The following VPS33B variants were observed in gnomAD, a reference collection of about 807,000 sequenced individuals.
The protein encoded by VPS33B is VPS33B late endosome and lysosome associated.
A neutral mutation model predicts 95.3 loss-of-function variants in VPS33B; 80 were observed. That is an observed-to-expected ratio of 0.84 (90% CI 0.70 to 1.01). The LOEUF is 1.01. VPS33B is among the 50% of genes least tolerant of loss of function. The pLI is 0.00. For missense variants in VPS33B, 715 were observed against 773.4 expected (o/e 0.92, Z 0.90); for synonymous variants, 280 against 280.4 (o/e 1.00, Z 0.01).
chr15:91,003,869 A>G (rs2040517214), intron 16 of VPS33B, among the ~76,000 whole-genome samples: 1 of 152,234 alleles, frequency 6.6e-6, no homozygotes, highest in South Asian at 2.1e-4. Context: ...AGAGGTAATA[A>G]TAACTGGGAT....
At position 91,015,688 on chromosome 15, in the gene VPS33B, G is replaced by A. The variant is rs1027767573; in HGVS notation, c.240-1255C>T. On this transcript the variant is annotated intron_variant, in intron 3 of 22. Transcript: ENST00000333371. The surrounding 1 kb of genome is among the most constrained non-coding windows in gnomAD (Gnocchi z 4.7). ...AATAAAATAAAATAAAACTATAGGC[G>A]GATGCAGTGCTGCACACTTGTAATC... is the stretch of plus-strand genomic sequence containing the variant. Among the ~76,000 whole-genome samples, 2 of 151,954 alleles carry A rather than the reference G, an allele frequency of 1.3e-5. No homozygotes were observed. The highest frequency in any genetic ancestry group is 2.9e-5 in the Non-Finnish European group (2 of 67,990).
In VPS33B at chr15:91,005,141, C is replaced by T. The variant is rs150553825; in HGVS notation, c.1106-22G>A. ...AGTGCTGTGAGTAATCAGAGGAGAGCCTGTTACTGGGGGCCAGCTCAGCTG... is the reference window on the plus strand; with the variant it reads ...AGTGCTGTGAGTAATCAGAGGAGAGTCTGTTACTGGGGGCCAGCTCAGCTG... On this transcript the variant is annotated intron_variant, in intron 14 of 22. Transcript: ENST00000333371. The surrounding 1 kb of genome is among the most constrained non-coding windows in gnomAD (Gnocchi z 6.4). The T allele has an allele frequency of 5.5e-5, 88 of 1,614,088 alleles. No individual in the cohort carries two copies. The highest frequency in any genetic ancestry group is 1.7e-4 in the Middle Eastern group (1 of 6,060).
In VPS33B at chr15:91,001,398, CT is replaced by C; in HGVS notation, c.1469del (p.Lys490SerfsTer2). 2 of 1,613,502 alleles carry C rather than the reference CT, an allele frequency of 1.2e-6. No individual in the cohort carries two copies. Among genetic ancestry groups the C allele is most frequent in the Non-Finnish European group, 1.7e-6 (2 of 1,179,668 alleles). On this transcript the variant is annotated frameshift_variant, in exon 19 of 23. Coordinates refer to ENST00000333371, the MANE Select transcript of VPS33B (RefSeq NM_018668.5). LOFTEE classifies it high-confidence loss of function. ...KRSNFRAISKKLNLIPRVDGE... is the reference protein window; with the variant it reads ...KRSNFRAISKXLNLIPRVDGE... ...TCCCTGTTCCACATACCAAATTCAG[CT>C]TTTTGCTGATGGCACGAAAATTGCT... is the stretch of plus-strand genomic sequence containing the variant.
chr15:91,016,852 A>G (rs985303264), intron 3 of VPS33B, 111 bp downstream of exon 3: 147 of 1,042,374 alleles, frequency 1.4e-4, no homozygotes, highest in Non-Finnish European at 1.9e-4. Flanking sequence ...ATGAAATTGT[A>G]AAGTTCAGGG....
In VPS33B at chr15:91,009,375, C is replaced by T. The variant is rs753464752; in HGVS notation, c.403+426G>A. Among the ~76,000 whole-genome samples, 68 of 151,788 alleles carry T rather than the reference C, an allele frequency of 4.5e-4. No individual in the cohort carries two copies. Among genetic ancestry groups the T allele is most frequent in the African/African-American group, 1.5e-3 (62 of 41,360 alleles). On this transcript the variant is annotated intron_variant, in intron 6 of 22. Coordinates refer to ENST00000333371, the MANE Select transcript of VPS33B (RefSeq NM_018668.5). This position sits in a 1 kb window ranked among gnomAD's most constrained non-coding sequence, Gnocchi z 4.1. The stretch of plus-strand genomic sequence containing the variant: ...AGGCTGGAGTGCAATGGCGTGATCT[C>T]GGCTCACTGCAACCTCTGCCTCCCG...
Position 90,999,412 on chromosome 15 carries a change from G to A in VPS33B, c.1774+265C>T, listed in dbSNP as rs931306311. On this transcript the variant is annotated intron_variant, in intron 22 of 22. Coordinates refer to ENST00000333371, the MANE Select transcript of VPS33B (RefSeq NM_018668.5). This position sits in a 1 kb window ranked among gnomAD's most constrained non-coding sequence, Gnocchi z 5.1. ...CAGCTCACTGCAACCTCCACCTCCC[G>A]GGTTCAAGCAATTCTCCTGCCTCAG... The A allele has an allele frequency of 1.2e-5, 6 of 501,894 alleles. No homozygotes were observed. The highest frequency in any genetic ancestry group is 6.2e-5 in the Admixed American group (2 of 32,072). 31.1% of individuals were successfully genotyped at this position (501,894 alleles called of 1,614,324 possible).
In VPS33B at chr15:91,015,474, G is replaced by A. The variant is rs1337993665; in HGVS notation, c.240-1041C>T. Among the ~76,000 whole-genome samples, 2 of 152,020 alleles carry A rather than the reference G, an allele frequency of 1.3e-5. No homozygotes were observed. The highest frequency in any genetic ancestry group is 2.9e-5 in the Non-Finnish European group (2 of 68,012). On this transcript the variant is annotated intron_variant, in intron 3 of 22. Transcript: ENST00000333371. This position sits in a 1 kb window ranked among gnomAD's most constrained non-coding sequence, Gnocchi z 4.7. Reference sequence around the variant, plus strand: ...GAGTGCGGATCACCTGAGGTCAAGAGTTCAAGACCAGCCTGGCCAACATAG... The same window carrying A: ...GAGTGCGGATCACCTGAGGTCAAGAATTCAAGACCAGCCTGGCCAACATAG...
In VPS33B at chr15:91,007,606, A is replaced by G. The variant is rs1296224231; in HGVS notation, c.499-33T>C. ...GACCACACAAGCCACAAAGATATGA[A>G]TCAACCCAGTAGGACCACCTGGAAA... On this transcript the variant is annotated intron_variant, in intron 7 of 22. Coordinates refer to ENST00000333371, the MANE Select transcript of VPS33B (RefSeq NM_018668.5). This position sits in a 1 kb window ranked among gnomAD's most constrained non-coding sequence, Gnocchi z 5.3. 3.1e-6 allele frequency: 5 copies of G among 1,609,598 alleles called. No individual in the cohort carries two copies. In the South Asian group the frequency reaches 3.3e-5, roughly 11 times the overall value.
At position 91,007,438 on chromosome 15, in the gene VPS33B, G is replaced by C. The variant is rs1430339514; in HGVS notation, c.603+31C>G. On this transcript the variant is annotated intron_variant, in intron 8 of 22. Coordinates refer to ENST00000333371, the MANE Select transcript of VPS33B (RefSeq NM_018668.5). This position sits in a 1 kb window ranked among gnomAD's most constrained non-coding sequence, Gnocchi z 5.3. ...GTACAGAACAGGGAAAACAGCGTCT[G>C]CTGGGACAACAGTACTGCTAGTGCT... is the stretch of plus-strand genomic sequence containing the variant. 3 of 1,602,844 alleles carry C rather than the reference G, an allele frequency of 1.9e-6. No homozygotes were observed. Among genetic ancestry groups the C allele is most frequent in the Non-Finnish European group, 2.6e-6 (3 of 1,169,662 alleles).
intron 1 of VPS33B, 57 bp downstream of exon 1, chr15:91,022,097 G>A: frequency 6.6e-7 from 1 of 1,525,326 alleles, no homozygotes. Context: ...AGGAAGAAAT[G>A]TGCATCCAAT....
rs1160164426 is a variant in VPS33B at position 91,005,410 on chromosome 15, C to A, written c.1075G>T (p.Asp359Tyr). The A allele has an allele frequency of 6.2e-7, 1 of 1,614,114 alleles. No homozygotes were observed. Among genetic ancestry groups the A allele is most frequent in the South Asian group, 1.1e-5 (1 of 91,080 alleles). ...ESIMKKKTKQ[D>Y]FQELIKTEHA... is the part of the protein sequence containing the mutation. ...TCAGTCTTGATTAGCTCCTGGAAAT[C>A]CTGCTTGGTTTTCTTCTTCATGATG... The change falls in exon 14 of 23, where the codon GAT becomes TAT. Residue 359 changes from aspartate to tyrosine, a missense_variant. Transcript: ENST00000333371. This position sits in a 1 kb window ranked among gnomAD's most constrained non-coding sequence, Gnocchi z 6.4.
rs2040610067 is a variant in VPS33B at position 91,006,556 on chromosome 15, G to C, written c.778+96C>G. ...ATTTGGAAGCCAGCAGTTCATTCAG[G>C]GTCTGGGTCTCTCCCACAAACCCTG... On this transcript the variant is annotated intron_variant, in intron 10 of 22. Coordinates refer to ENST00000333371, the MANE Select transcript of VPS33B (RefSeq NM_018668.5). This position sits in a 1 kb window ranked among gnomAD's most constrained non-coding sequence, Gnocchi z 5.4. The C allele has an allele frequency of 1.2e-6, 2 of 1,607,442 alleles. No individual in the cohort carries two copies. Among genetic ancestry groups the C allele is most frequent in the South Asian group, 1.1e-5 (1 of 90,922 alleles).
intron 2 of VPS33B, among the ~76,000 whole-genome samples, chr15:91,017,377 T>A (rs1262446845): frequency 0.17 from 3,477 of 20,096 alleles, 636 homozygotes; most frequent in East Asian, 0.66. Context: ...AATATATATA[T>A]ATATATATAT....
Position 91,009,309 on chromosome 15 carries a change from T to C in VPS33B, c.403+492A>G, listed in dbSNP as rs1032790127. 2.0e-5 allele frequency among the ~76,000 whole-genome samples: 3 copies of C among 151,970 alleles called. No homozygotes were observed. The highest frequency in any genetic ancestry group is 2.1e-4 in the South Asian group (1 of 4,800). ...TATTTTCTTTCTCTCTCTCTTTCTT[T>C]CTTCCTTCCTTCCTTTCTCTGAGTC... On this transcript the variant is annotated intron_variant, in intron 6 of 22. Transcript: ENST00000333371. This position sits in a 1 kb window ranked among gnomAD's most constrained non-coding sequence, Gnocchi z 4.1.
Position 91,020,407 on chromosome 15 carries a change from C to T in VPS33B, c.96+1747G>A, listed in dbSNP as rs542280256. Among the ~76,000 whole-genome samples the T allele has an allele frequency of 7.9e-5, 12 of 152,274 alleles. No homozygotes were observed. The South Asian group carries it at 8.3e-4, about 11-fold the overall frequency. On this transcript the variant is annotated intron_variant, in intron 1 of 22. Coordinates refer to ENST00000333371, the MANE Select transcript of VPS33B (RefSeq NM_018668.5). ...AAGTCAGAAGTTAGTTAGGAGAGGA[C>T]GTTATTGCCTGGAAATCCACTTTGG...
chr15:91,019,306 T>G (rs747840463), intron 1 of VPS33B, among the ~76,000 whole-genome samples: 1 of 151,366 alleles, frequency 6.6e-6, no homozygotes, highest in Non-Finnish European at 1.5e-5. Flanking sequence ...TTAGTAGACA[T>G]GGAATTTCGC....
In VPS33B at chr15:91,000,069, A is replaced by G. The variant is rs1269554166; in HGVS notation, c.1582-94T>C. 6.6e-7 allele frequency: 1 copy of G among 1,516,504 alleles called. No homozygotes were observed. Among genetic ancestry groups the G allele is most frequent in the East Asian group, 2.3e-5 (1 of 44,242 alleles). The allele number at this position is 1,516,504 out of a possible 1,614,324, so 93.9% of individuals were successfully genotyped here. A position where few individuals can be genotyped will look rare whatever the true frequency, so the allele number is the denominator to read the frequency against. ...AGCCAGACTGTCACATTTCTTGCTC[A>G]TTACTCAAGTAGCAAAAAGTTGAGA... On this transcript the variant is annotated intron_variant, in intron 20 of 22. Transcript: ENST00000333371. This position sits in a 1 kb window ranked among gnomAD's most constrained non-coding sequence, Gnocchi z 4.9.
intron 1 of VPS33B, among the ~76,000 whole-genome samples, chr15:91,021,041 C>T (rs2041087496): frequency 6.6e-6 from 1 of 151,912 alleles, no homozygotes. Flanking sequence ...ATCTTAACTT[C>T]CCCCATCCAA....
chr15:91,022,012 G>A (rs2041116598), intron 1 of VPS33B, 142 bp downstream of exon 1: 1 of 940,168 alleles, frequency 1.1e-6, no homozygotes, highest in African/African-American at 1.6e-5. Flanking sequence ...CTACTCCCTG[G>A]ATTCATTCTG....
Sources: allele counts gnomAD v4.1 joint callset (sites outside exome capture counted in the v4.1 genomes callset), GRCh38; gene constraint gnomAD v4.1.1; non-coding constraint Gnocchi (gnomAD v3.1); transcripts MANE v1.5; gene names NCBI Gene and HGNC (gene_info 2026-07-23, HGNC 2026-07-21).